The following PDE4D variants were observed in gnomAD, a reference collection of about 807,000 sequenced individuals.
PDE4D encodes the protein phosphodiesterase 4D, also known as 3',5'-cyclic-AMP phosphodiesterase 4D.
PDE4D carries 24 observed loss-of-function variants against 87.4 expected under a neutral mutation model. The observed-to-expected ratio is 0.27, with a 90% CI of 0.20 to 0.39. The LOEUF is 0.39. Ranked by LOEUF, PDE4D falls within the 10% of genes least tolerant of loss-of-function variation. PDE4D has a pLI of 1.00. For synonymous variants in PDE4D, 384 were observed against 383.2 expected (o/e 1.00, Z -0.02); for missense variants, 714 against 1,041.0 (o/e 0.69, Z 4.32).
intron 1 of PDE4D, among the ~76,000 whole-genome samples, chr5:59,357,880 G>T (rs745976330): frequency 6.6e-6 from 1 of 152,064 alleles, no homozygotes; most frequent in Non-Finnish European, 1.5e-5. Context: ...ACACTGCCCC[G>T]CGGGTGACCT....
chr5:59,553,171 G>T, intron 1 of PDE4D, among the ~76,000 whole-genome samples: 1 of 152,034 alleles, frequency 6.6e-6, no homozygotes, highest in Non-Finnish European at 1.5e-5. Flanking sequence ...AATCAGGATT[G>T]TCTCTCTCCC....
intron 1 of PDE4D, among the ~76,000 whole-genome samples, chr5:60,435,457 C>T (rs1209282318): frequency 6.6e-6 from 1 of 151,996 alleles, no homozygotes; most frequent in Non-Finnish European, 1.5e-5. Context: ...TTACTCCTAA[C>T]AAAAAGTTTA....
chr5:59,295,849 C>G (rs199842897), intron 1 of PDE4D, among the ~76,000 whole-genome samples: 2 of 132,058 alleles, frequency 1.5e-5, no homozygotes, highest in Admixed American at 1.5e-4. Flanking sequence ...AAAAAAAAAA[C>G]AAAAAAAAAA....
At chr5:59,520,485 G>C (rs1028188266) in intron 1 of PDE4D, among the ~76,000 whole-genome samples, 1 of 152,108 alleles carries the variant, frequency 6.6e-6, no homozygotes, top group African/African-American at 2.4e-5. Context: ...TAGGTATTTG[G>C]GGCAAGAAGA....
In PDE4D at chr5:59,469,473, G is replaced by T. The variant is rs115820670; in HGVS notation, c.456-253505C>A. On this transcript the variant is annotated intron_variant, in intron 1 of 14. Coordinates refer to ENST00000340635, the MANE Select transcript of PDE4D (RefSeq NM_001104631.2). ...AAACATCAGTAGTTTTCATCAATGT[G>T]CCATCTGTGTATAGATACGATGTCT... 5.2e-3 allele frequency among the ~76,000 whole-genome samples: 793 copies of T among 152,278 alleles called. 11 individuals carry two copies. Among genetic ancestry groups the T allele is most frequent in the African/African-American group, 0.017 (710 of 41,558 alleles).
At chr5:59,031,699 C>T (rs1345085126) in intron 6 of PDE4D, among the ~76,000 whole-genome samples, 1 of 113,498 alleles carries the variant, frequency 8.8e-6, no homozygotes, top group East Asian at 2.5e-4. Context: ...CAAAGCGAGA[C>T]TCCACCTCAA....
chr5:59,538,792 A>G (rs543429284), intron 1 of PDE4D, among the ~76,000 whole-genome samples: 120 of 152,242 alleles, frequency 7.9e-4, no homozygotes, highest in African/African-American at 2.8e-3. Context: ...TCTCAGCTTC[A>G]TCTCCCATCA....
chr5:59,322,286 T>C (rs1774859220), intron 1 of PDE4D, among the ~76,000 whole-genome samples: 1 of 152,096 alleles, frequency 6.6e-6, no homozygotes, highest in South Asian at 2.1e-4. Context: ...GTATTGCTGG[T>C]GATTGAGGGA....
At chr5:60,098,059 T>C (rs1775850306) in intron 2 of PDE4D, among the ~76,000 whole-genome samples, 1 of 151,944 alleles carries the variant, frequency 6.6e-6, no homozygotes, top group Non-Finnish European at 1.5e-5. Flanking sequence ...ACTGAAATTT[T>C]CCATTAAATC....
chr5:59,240,968 G>T (rs1757550826), intron 1 of PDE4D, among the ~76,000 whole-genome samples: 1 of 151,944 alleles, frequency 6.6e-6, no homozygotes, highest in Admixed American at 6.6e-5. Context: ...TTTAAAAATG[G>T]GAATGAAAAC....
At chr5:60,367,322 C>T (rs995164070) in intron 1 of PDE4D, among the ~76,000 whole-genome samples, 13 of 151,898 alleles carry the variant, frequency 8.6e-5, no homozygotes, top group African/African-American at 3.1e-4. Flanking sequence ...GTGGTGCATG[C>T]CTGTAATCCC....
At chr5:60,374,365 C>A (rs531333564) in intron 1 of PDE4D, among the ~76,000 whole-genome samples, 2 of 152,282 alleles carry the variant, frequency 1.3e-5, no homozygotes, top group Non-Finnish European at 2.9e-5. Flanking sequence ...AAGAATGGCA[C>A]TAGCTACAGT....
chr5:59,065,257 A>G (rs1392480265), intron 5 of PDE4D, among the ~76,000 whole-genome samples: 1 of 152,114 alleles, frequency 6.6e-6, no homozygotes, highest in Non-Finnish European at 1.5e-5. Context: ...GCATGATCTC[A>G]CTTACATGTA....
At chr5:59,716,875 T>G (rs1755107883) in intron 1 of PDE4D, among the ~76,000 whole-genome samples, 1 of 152,216 alleles carries the variant, frequency 6.6e-6, no homozygotes, top group Non-Finnish European at 1.5e-5. Context: ...ACTGTGTGCC[T>G]ACTAAGCACA....
intron 5 of PDE4D, among the ~76,000 whole-genome samples, chr5:59,040,753 T>TA (rs1759544787): frequency 6.6e-6 from 1 of 152,222 alleles, no homozygotes; most frequent in Non-Finnish European, 1.5e-5. Flanking sequence ...CTGAGAAACT[T>TA]ACACTAAGTG....
intron 1 of PDE4D, among the ~76,000 whole-genome samples, chr5:59,645,617 G>A (rs1742315371): frequency 6.6e-6 from 1 of 152,116 alleles, no homozygotes; most frequent in Admixed American, 6.5e-5. Flanking sequence ...GATTACCATG[G>A]TGCTGGTAAC....
chr5:60,276,036 C>A (rs1751334787), intron 1 of PDE4D, among the ~76,000 whole-genome samples: 1 of 152,108 alleles, frequency 6.6e-6, no homozygotes, highest in South Asian at 2.1e-4. Flanking sequence ...GGTTGAGGTT[C>A]TTTACATGGC....
chr5:60,292,020 A>G (rs1288326769), intron 1 of PDE4D, among the ~76,000 whole-genome samples: 1 of 152,184 alleles, frequency 6.6e-6, no homozygotes, highest in Non-Finnish European at 1.5e-5. Flanking sequence ...ATTCCTGTTA[A>G]GTAGAAAAGT....
At chr5:59,395,692 A>G (rs1469305816) in intron 1 of PDE4D, among the ~76,000 whole-genome samples, 1 of 136,838 alleles carries the variant, frequency 7.3e-6, no homozygotes, top group Admixed American at 7.3e-5. Context: ...CCTCTAAAGG[A>G]ACGCAGCTCC....
Sources: allele counts gnomAD v4.1 joint callset (sites outside exome capture counted in the v4.1 genomes callset), GRCh38; gene constraint gnomAD v4.1.1; transcripts MANE v1.5; gene names NCBI Gene and HGNC (gene_info 2026-07-23, HGNC 2026-07-21).